The following SLC7A6OS variants were observed in gnomAD, a reference collection of about 807,000 sequenced individuals.
SLC7A6OS encodes the protein solute carrier family 7 member 6 opposite strand, also known as probable RNA polymerase II nuclear localization protein SLC7A6OS.
SLC7A6OS carries 22 observed loss-of-function variants against 34.3 expected under a neutral mutation model. The observed-to-expected ratio is 0.64, with a 90% confidence interval of 0.46 to 0.92. SLC7A6OS has a LOEUF of 0.92. SLC7A6OS is among the 40% of genes least tolerant of loss of function. SLC7A6OS has a pLI of 0.00. For missense variants in SLC7A6OS, 434 were observed against 407.7 expected, an observed-to-expected ratio of 1.06 and a Z score of -0.56; for synonymous variants, 199 against 165.0, an observed-to-expected ratio of 1.21 and a Z score of -1.58.
At chr16:68,307,097 G>T (rs2043332765) in intron 2 of SLC7A6OS, among the ~76,000 whole-genome samples, 1 of 152,148 alleles carries the variant, frequency 6.6e-6, no homozygotes, top group Non-Finnish European at 1.5e-5. Context: ...AGTTCTAAGG[G>T]TCCAGACAGT....
chr16:68,300,365 T>A lies in SLC7A6OS; in HGVS notation c.*910A>T, dbSNP rs760381003. 1 of 152,928 alleles carries A rather than the reference T, an allele frequency of 6.5e-6. No homozygotes were observed. Among genetic ancestry groups the A allele is most frequent in the African/African-American group, 2.4e-5 (1 of 41,462 alleles). The allele number at this position is 152,928 out of a possible 1,614,324, so 9.5% of individuals were successfully genotyped here. ...AAGGCAGCTATGGTTTGGAAAGGCA[T>A]ACGGACAGAGTCTGCTTAGAAGAGA... On this transcript the variant is annotated 3_prime_UTR_variant, in exon 5 of 5. Transcript: ENST00000263997.
chr16:68,307,978 T>C (rs1049471644), intron 2 of SLC7A6OS, among the ~76,000 whole-genome samples: 2 of 152,220 alleles, frequency 1.3e-5, no homozygotes, highest in African/African-American at 4.8e-5. Context: ...CTTGGCTCAC[T>C]GCAACCTCTG....
Position 68,310,877 on chromosome 16 carries a change from G to C in SLC7A6OS, c.50C>G (p.Ala17Gly). The C allele has an allele frequency of 6.2e-7, 1 of 1,607,686 alleles. No individual in the cohort carries two copies. The highest frequency in any genetic ancestry group is 8.5e-7 in the Non-Finnish European group (1 of 1,178,136). ...AVLRVKRKRS[A>G]EPAEALVLAC... Reference sequence around the variant, plus strand: ...GAGCACAAGAGCCTCCGCCGGCTCCGCACTGCGCTTCCGCTTCACCCGGAG... The same window carrying C: ...GAGCACAAGAGCCTCCGCCGGCTCCCCACTGCGCTTCCGCTTCACCCGGAG... The change falls in exon 1 of 5, where the codon GCG becomes GGG. Residue 17 changes from alanine to glycine, a missense_variant. By Grantham distance (60) the Ala-to-Gly change is moderately conservative. Transcript: ENST00000263997.
At chr16:68,305,896 A>G (rs2043322663) in intron 2 of SLC7A6OS, among the ~76,000 whole-genome samples, 1 of 152,290 alleles carries the variant, frequency 6.6e-6, no homozygotes, top group Admixed American at 6.5e-5. Context: ...CGTCTCTACA[A>G]AAAATACAAA....
At chr16:68,307,997 G>A (rs1209036698) in intron 2 of SLC7A6OS, among the ~76,000 whole-genome samples, 2 of 152,144 alleles carry the variant, frequency 1.3e-5, no homozygotes, top group Admixed American at 6.5e-5. Context: ...TGCCTCCCGC[G>A]TTCAGGCGAT....
At position 68,310,414 on chromosome 16, in the gene SLC7A6OS, G is replaced by A. The variant is rs763705486; in HGVS notation, c.392C>T (p.Ala131Val). 3 of 1,610,654 alleles carry A rather than the reference G, an allele frequency of 1.9e-6. No individual in the cohort carries two copies. In the African/African-American group the frequency reaches 4.0e-5, roughly 22 times the overall value. The change falls in exon 2 of 5, where the codon GCC (alanine) becomes GTC (valine). Residue 131 changes from alanine (A) to valine (V), a missense_variant. By Grantham distance (64) the Ala-to-Val change is moderately conservative. Transcript: ENST00000263997. ...TAACAACTGAAAGCCCGAGTTCCCGGCGGCTTCTGGGTTCCCCGGCGTGTA... is the reference window on the plus strand; with the variant it reads ...TAACAACTGAAAGCCCGAGTTCCCGACGGCTTCTGGGTTCCCCGGCGTGTA... ...SEYTPGNPEAAGNSGFQLLDL... is the reference protein window; with the variant it reads ...SEYTPGNPEAVGNSGFQLLDL...
chr16:68,309,165 G>A (rs1361256973), intron 2 of SLC7A6OS, among the ~76,000 whole-genome samples: 1 of 151,764 alleles, frequency 6.6e-6, no homozygotes, highest in Non-Finnish European at 1.5e-5. Context: ...CTTGATCACA[G>A]CTCACTGCAA....
In SLC7A6OS at chr16:68,299,209, G is replaced by A. The variant is rs915080960; in HGVS notation, c.*2066C>T. 2 of 152,610 alleles carry A rather than the reference G, an allele frequency of 1.3e-5. No individual in the cohort carries two copies. The highest frequency in any genetic ancestry group is 4.8e-5 in the African/African-American group (2 of 41,446). 9.5% of individuals were successfully genotyped at this position (152,610 alleles called of 1,614,324 possible). On this transcript the variant is annotated 3_prime_UTR_variant, in exon 5 of 5. Coordinates refer to ENST00000263997, the MANE Select transcript of SLC7A6OS (RefSeq NM_032178.3). Reference sequence around the variant, plus strand: ...TGGCACCCATCCCAGGGCTCCTCTGGAGCTAATCCTTTAAGCAAAATGTGC... The same window carrying A: ...TGGCACCCATCCCAGGGCTCCTCTGAAGCTAATCCTTTAAGCAAAATGTGC...
chr16:68,310,599 C>G lies in SLC7A6OS; in HGVS notation c.207G>C (p.Gln69His), dbSNP rs777216026. The G allele has an allele frequency of 1.3e-6, 2 of 1,597,464 alleles. No individual in the cohort carries two copies. The highest frequency in any genetic ancestry group is 1.7e-6 in the Non-Finnish European group (2 of 1,172,918). ...ATVCSQEEPV[Q>H]PLLREVLRPS... ...GGCGCAGAACTTCCCGCAGGAGAGG[C>G]TGGACTGGTTCCTCCTAGGGGGCAA... is the stretch of plus-strand genomic sequence containing the variant. Residue 69 changes from glutamine to histidine, a missense_variant, in exon 2 of 5, where the codon CAG becomes CAC. Gln to His is a conservative substitution (Grantham distance 24). Coordinates refer to ENST00000263997, the MANE Select transcript of SLC7A6OS (RefSeq NM_032178.3).
In SLC7A6OS at chr16:68,310,717, C is replaced by A; in HGVS notation, c.192+18G>T. On this transcript the variant is annotated intron_variant, in intron 1 of 4. Transcript: ENST00000263997. ...CACCCGAAGATGCCCTCCACACCAG[C>A]TGCACCACGCCCAATACCTGGGAGC... is the stretch of plus-strand genomic sequence containing the variant. 6.3e-7 allele frequency: 1 copy of A among 1,594,306 alleles called. No homozygotes were observed. The highest frequency in any genetic ancestry group is 8.6e-7 in the Non-Finnish European group (1 of 1,166,558).
intron 2 of SLC7A6OS, among the ~76,000 whole-genome samples, chr16:68,305,152 T>C (rs149240251): frequency 1.8e-3 from 275 of 152,344 alleles, no homozygotes; most frequent in African/African-American, 6.1e-3. Flanking sequence ...TTTGGTATTA[T>C]ACAATGTTCT....
chr16:68,310,377 G>C lies in SLC7A6OS; in HGVS notation c.429C>G (p.His143Gln). Residue 143 changes from histidine to glutamine, a missense_variant, in exon 2 of 5, where the codon CAC (histidine) becomes CAG (glutamine). His to Gln is a conservative substitution (Grantham distance 24). Coordinates refer to ENST00000263997, the MANE Select transcript of SLC7A6OS (RefSeq NM_032178.3). ...NSGFQLLDLV[H>Q]EEGEPEAASA... is the part of the protein sequence containing the mutation. ...AGGCGGCTTCAGGTTCTCCCTCCTC[G>C]TGGACAAGGTCTAACAACTGAAAGC... 1 of 1,610,320 alleles carries C rather than the reference G, an allele frequency of 6.2e-7. No individual in the cohort carries two copies. The highest frequency in any genetic ancestry group is 1.1e-5 in the South Asian group (1 of 90,912).
rs2043234784 is a variant in SLC7A6OS at position 68,299,658 on chromosome 16, A to G, written c.*1617T>C. On this transcript the variant is annotated 3_prime_UTR_variant, in exon 5 of 5. Coordinates refer to ENST00000263997, the MANE Select transcript of SLC7A6OS (RefSeq NM_032178.3). ...AATGAGTATAAATAGCAGGGAGCAC[A>G]TTGTAACAGCACAGTGTTTTGTTTT... 1 of 152,194 alleles carries G rather than the reference A, an allele frequency of 6.6e-6. No individual in the cohort carries two copies. Among genetic ancestry groups the G allele is most frequent in the African/African-American group, 2.4e-5 (1 of 41,436 alleles). 9.4% of individuals were successfully genotyped at this position (152,194 alleles called of 1,614,324 possible).
intron 4 of SLC7A6OS, 156 bp from the exon 5 acceptor site, chr16:68,301,561 A>C (rs2043276828): frequency 1.7e-6 from 1 of 572,606 alleles, no homozygotes; most frequent in Non-Finnish European, 2.8e-6. Flanking sequence ...TTTTTTTTTA[A>C]AGAAGGAATC....
chr16:68,303,204 C>G (rs1464045907), intron 3 of SLC7A6OS, among the ~76,000 whole-genome samples: 1 of 145,860 alleles, frequency 6.9e-6, no homozygotes, highest in Non-Finnish European at 1.5e-5. Flanking sequence ...GCGGAGGTTG[C>G]AATGAGCCAA....
chr16:68,310,580 G>C lies in SLC7A6OS; in HGVS notation c.226C>G (p.Leu76Val), dbSNP rs771616951. 1.3e-6 allele frequency: 2 copies of C among 1,591,908 alleles called. No homozygotes were observed. The highest frequency in any genetic ancestry group is 1.1e-5 in the South Asian group (1 of 89,416). Residue 76 changes from leucine (L) to valine (V), a missense_variant, in exon 2 of 5, where the codon CTG becomes GTG. Transcript: ENST00000263997. ...TGCTGGCTGTCCCGTGACGGGCGCA[G>C]AACTTCCCGCAGGAGAGGCTGGACT... is the stretch of plus-strand genomic sequence containing the variant. ...EPVQPLLREV[L>V]RPSRDSQQRV...
At chr16:68,308,783 C>T (rs1179178800) in intron 2 of SLC7A6OS, among the ~76,000 whole-genome samples, 3 of 148,244 alleles carry the variant, frequency 2.0e-5, no homozygotes, top group Non-Finnish European at 4.5e-5. Flanking sequence ...CTAGGCGCAG[C>T]GGCTCATGCC....
In SLC7A6OS at chr16:68,300,906, A is replaced by C. The variant is rs977563381; in HGVS notation, c.*369T>G. The C allele has an allele frequency of 6.4e-5, 64 of 996,224 alleles. No homozygotes were observed. The highest frequency in any genetic ancestry group is 7.0e-5 in the Non-Finnish European group (59 of 836,920). 61.7% of individuals were successfully genotyped at this position (996,224 alleles called of 1,614,324 possible). A position where few individuals can be genotyped will look rare whatever the true frequency, so the allele number is the denominator to read the frequency against. On this transcript the variant is annotated 3_prime_UTR_variant, in exon 5 of 5. Coordinates refer to ENST00000263997, the MANE Select transcript of SLC7A6OS (RefSeq NM_032178.3). ...GCAGCCTGGTGGTATGGCACAGCAG[A>C]AGCTTACTGCTAATGAAATGGGAAC...
chr16:68,305,211 G>A (rs1022369900), intron 2 of SLC7A6OS, among the ~76,000 whole-genome samples: 2 of 152,140 alleles, frequency 1.3e-5, no homozygotes, highest in Admixed American at 6.5e-5. Flanking sequence ...GGCTGAACCT[G>A]AAATGAGTCT....
Sources: gnomAD v4.1 joint callset for allele counts (sites outside exome capture counted in the v4.1 genomes callset) on GRCh38, gnomAD v4.1.1 for gene constraint, MANE v1.5 for transcripts, NCBI Gene and HGNC (gene_info 2026-07-23, HGNC 2026-07-21) for gene names.